The following SH3KBP1 variants were observed in gnomAD, a reference collection of about 807,000 sequenced individuals.
SH3KBP1 encodes the protein SH3 domain-containing kinase-binding protein 1.
In SH3KBP1, 8 loss-of-function variants were observed where a neutral mutation model predicts 50.1. The ratio of observed to expected loss-of-function variants is 0.16; its 90% CI spans 0.09 to 0.29. SH3KBP1 has a LOEUF of 0.29. SH3KBP1 is among the 10% of genes least tolerant of loss of function. SH3KBP1 has a pLI of 1.00. For missense variants in SH3KBP1, 377 were observed against 535.2 expected (o/e 0.70, Z 2.92); for synonymous variants, 227 against 218.6 (o/e 1.04, Z -0.34).
chrX:19,550,163 T>C, intron 13 of SH3KBP1, 80 bp from the exon 14 acceptor site: 1 of 608,086 alleles, frequency 1.6e-6, no homozygotes, highest in Non-Finnish European at 2.7e-6. Context: ...CCTCTCTTCC[T>C]CAATAATAAT....
At chrX:19,672,420 T>C (rs1159982028) in intron 6 of SH3KBP1, among the ~76,000 whole-genome samples, 1 of 111,866 alleles carries the variant, frequency 8.9e-6, no homozygotes, top group African/African-American at 3.3e-5. Flanking sequence ...CGGAGAAACC[T>C]GACTAACACC....
chrX:19,543,938 G>C (rs1357194980), intron 15 of SH3KBP1, among the ~76,000 whole-genome samples: 1 of 111,197 alleles, frequency 9.0e-6, no homozygotes, highest in East Asian at 2.9e-4. Flanking sequence ...CAGGATGTTG[G>C]GAGGCGGGGG....
At chrX:19,787,141 A>G (rs1270219615) in intron 2 of SH3KBP1, among the ~76,000 whole-genome samples, 1 of 111,598 alleles carries the variant, frequency 9.0e-6, no homozygotes, top group Admixed American at 9.5e-5. Flanking sequence ...TAAGTTCCTC[A>G]GCAAAGCCTG....
Position 19,858,494 on chromosome X carries a change from G to A in SH3KBP1, c.5-22212C>T, listed in dbSNP as rs752018528. ...CTGTTTTTAATTGGCTAGGTGTGGT[G>A]GTACACACCTGTAGTCCCAACTACT... On this transcript the variant is annotated intron_variant, in intron 1 of 17. Coordinates refer to ENST00000397821, the MANE Select transcript of SH3KBP1 (RefSeq NM_031892.3). Among the ~76,000 whole-genome samples the A allele has an allele frequency of 1.6e-4, 18 of 111,290 alleles. No individual in the cohort carries two copies. The East Asian group carries it at 5.1e-3, about 31-fold the overall frequency.
At chrX:19,760,055 T>C (rs945574097) in intron 2 of SH3KBP1, among the ~76,000 whole-genome samples, 3 of 97,377 alleles carry the variant, frequency 3.1e-5, no homozygotes, top group Non-Finnish European at 6.1e-5. Flanking sequence ...TCTCTCTCTC[T>C]CTCTCTCTCT....
At chrX:19,596,322 A>T (rs184885476) in intron 9 of SH3KBP1, among the ~76,000 whole-genome samples, 1 of 112,259 alleles carries the variant, frequency 8.9e-6, no homozygotes, top group East Asian at 2.8e-4. Context: ...TCAGTGTGTG[A>T]TAGCATGTCT....
At chrX:19,699,424 T>A (rs1440371494) in intron 4 of SH3KBP1, among the ~76,000 whole-genome samples, 2 of 112,550 alleles carry the variant, frequency 1.8e-5, no homozygotes, top group East Asian at 5.6e-4. Context: ...GCCTTGGCTC[T>A]AGGCTGAGAA....
intron 2 of SH3KBP1, among the ~76,000 whole-genome samples, chrX:19,810,128 T>C (rs368825101): frequency 8.1e-5 from 9 of 111,783 alleles, no homozygotes; most frequent in Admixed American, 6.6e-4. Flanking sequence ...TGGGAAGAGA[T>C]GGGCCAACAT....
chrX:19,537,557 G>A (rs779483489), intron 17 of SH3KBP1, among the ~76,000 whole-genome samples, 160 bp downstream of exon 17: 5 of 110,983 alleles, frequency 4.5e-5, no homozygotes, highest in Admixed American at 2.9e-4. Flanking sequence ...CTGGGGAAAC[G>A]ATATGTAGTA....
chrX:19,643,283 T>C (rs769381882), intron 7 of SH3KBP1, among the ~76,000 whole-genome samples: 165 of 105,286 alleles, frequency 1.6e-3, no homozygotes, highest in African/African-American at 5.8e-3. Context: ...ACAGTGTGTG[T>C]GGGCTGAAAC....
chrX:19,824,042 A>G (rs1203281991), intron 2 of SH3KBP1, among the ~76,000 whole-genome samples: 2 of 110,952 alleles, frequency 1.8e-5, no homozygotes, highest in Admixed American at 9.6e-5. Context: ...CTGGTCTCGA[A>G]CTTCTGACCT....
At chrX:19,723,521 T>C (rs1201666217) in intron 3 of SH3KBP1, among the ~76,000 whole-genome samples, 2 of 112,137 alleles carry the variant, frequency 1.8e-5, no homozygotes, top group Non-Finnish European at 3.8e-5. Context: ...GTGTTTGAAA[T>C]TGACATCTTT....
intron 2 of SH3KBP1, among the ~76,000 whole-genome samples, chrX:19,791,914 G>A (rs972816761): frequency 4.5e-5 from 5 of 111,462 alleles, no homozygotes; most frequent in African/African-American, 9.8e-5. Context: ...ATACATTTCC[G>A]TAATTTTGAG....
At chrX:19,716,095 T>C (rs2063901368) in intron 3 of SH3KBP1, among the ~76,000 whole-genome samples, 1 of 112,270 alleles carries the variant, frequency 8.9e-6, no homozygotes, top group Non-Finnish European at 1.9e-5. Flanking sequence ...ACACATTTTT[T>C]ACTTGGGACG....
chrX:19,587,690 T>C (rs1200411879), intron 12 of SH3KBP1, among the ~76,000 whole-genome samples: 2 of 111,542 alleles, frequency 1.8e-5, no homozygotes, highest in South Asian at 3.7e-4. Context: ...GAGGATAGAG[T>C]AGCCAAGCTC....
At chrX:19,766,629 G>A (rs1185569545) in intron 2 of SH3KBP1, among the ~76,000 whole-genome samples, 9 of 103,273 alleles carry the variant, frequency 8.7e-5, no homozygotes, top group African/African-American at 2.8e-4. Context: ...TCAGCCTCCC[G>A]AGTAGCTGGG....
In SH3KBP1 at chrX:19,875,526, G is replaced by A. The variant is rs571991480; in HGVS notation, c.4+11781C>T. ...CATCCTCACTGAGAGTGCCTGGCCCGAGGGCAGCCCCGTAGCACCCACTCC... is the reference window on the plus strand; with the variant it reads ...CATCCTCACTGAGAGTGCCTGGCCCAAGGGCAGCCCCGTAGCACCCACTCC... On this transcript the variant is annotated intron_variant, in intron 1 of 17. Coordinates refer to ENST00000397821, the MANE Select transcript of SH3KBP1 (RefSeq NM_031892.3). Among the ~76,000 whole-genome samples the A allele has an allele frequency of 1.2e-4, 14 of 112,255 alleles. No homozygotes were observed. In the South Asian group the frequency reaches 5.2e-3, roughly 41 times the overall value.
In SH3KBP1 at chrX:19,645,408, C is replaced by A; in HGVS notation, c.794G>T (p.Arg265Met). Reference protein sequence around the residue: ...PDSSKTEMDSRTKSKDYCKVI... With the variant: ...PDSSKTEMDSMTKSKDYCKVI... ...TAACTAAGGAAACTCACTCTTTGTC[C>A]TGCTGTCCATTTCTGTTTTTGATGA... The change falls in exon 7 of 18, where the codon AGG becomes ATG. Residue 265 changes from arginine (R) to methionine (M), a missense_variant. Arg to Met is a moderately conservative substitution (Grantham distance 91). Coordinates refer to ENST00000397821, the MANE Select transcript of SH3KBP1 (RefSeq NM_031892.3). The A allele has an allele frequency of 8.4e-7, 1 of 1,196,134 alleles. No individual in the cohort carries two copies. Among genetic ancestry groups the A allele is most frequent in the Non-Finnish European group, 1.1e-6 (1 of 881,650 alleles).
intron 6 of SH3KBP1, among the ~76,000 whole-genome samples, chrX:19,673,590 C>A (rs747166607): frequency 9.0e-6 from 1 of 111,570 alleles, no homozygotes; most frequent in East Asian, 2.8e-4. Context: ...TGGTGCCTGG[C>A]CAATTAGTCA....
Sources: allele counts gnomAD v4.1 joint callset (sites outside exome capture counted in the v4.1 genomes callset), GRCh38; gene constraint gnomAD v4.1.1; transcripts MANE v1.5; gene names NCBI Gene and HGNC (gene_info 2026-07-23, HGNC 2026-07-21).